ZNF439: variants seen among roughly 807,000 people sequenced by gnomAD.
ZNF439 encodes the protein zinc finger protein 439.
A neutral mutation model predicts 47.3 loss-of-function variants in ZNF439; 40 were observed. The ratio of observed to expected loss-of-function variants is 0.85; its 90% CI spans 0.66 to 1.10. The LOEUF (loss-of-function observed/expected upper bound fraction) is 1.10. ZNF439 is among the 50% of genes least tolerant of loss of function. ZNF439 has a pLI of 0.00. For synonymous variants in ZNF439, 171 were observed against 198.8 expected, an observed-to-expected ratio of 0.86 and a Z score of 1.18; for missense variants, 556 against 601.1, an observed-to-expected ratio of 0.93 and a Z score of 0.78.
In ZNF439 at chr19:11,868,637, G is replaced by T; in HGVS notation, c.*68G>T. On this transcript the variant is annotated 3_prime_UTR_variant, in exon 4 of 4. Coordinates refer to ENST00000682736, the MANE Select transcript of ZNF439 (RefSeq NM_001348719.2). ...TCAAACACATGAAAAAATTCACACT[G>T]GAGAGAAACCCTATAAATGCAAGCA... 1 of 1,504,634 alleles carries T rather than the reference G, an allele frequency of 6.6e-7. No individual in the cohort carries two copies. 93.2% of individuals were successfully genotyped at this position (1,504,634 alleles called of 1,614,324 possible).
At position 11,848,888 on chromosome 19, in the gene ZNF439, G is replaced by A. The variant is rs1481173188; in HGVS notation, c.21G>A (p.Arg7=). The A allele has an allele frequency of 1.3e-6, 2 of 1,573,698 alleles. No homozygotes were observed. The highest frequency in any genetic ancestry group is 1.7e-6 in the Non-Finnish European group (2 of 1,154,834). ...GCGCTATGCCCTGCTTTACTCACAG[G>A]AGCTGTAGAGAGGACCCCGGTACAT... The part of the protein sequence containing the change: MPCFTH[R]SCREDPGTSE... The change falls in exon 1 of 4, where the codon AGG becomes AGA. Residue 7 remains arginine, a synonymous_variant. Coordinates refer to ENST00000682736, the MANE Select transcript of ZNF439 (RefSeq NM_001348719.2).
Position 11,866,313 on chromosome 19 carries a change from T to C in ZNF439, c.172T>C (p.Trp58Arg). 6.2e-7 allele frequency: 1 copy of C among 1,614,176 alleles called. No individual in the cohort carries two copies. The highest frequency in any genetic ancestry group is 8.5e-7 in the Non-Finnish European group (1 of 1,180,014). Residue 58 changes from tryptophan (W) to arginine (R), a missense_variant, in exon 2 of 4, where the codon TGG becomes CGG. Coordinates refer to ENST00000682736, the MANE Select transcript of ZNF439 (RefSeq NM_001348719.2). The stretch of plus-strand genomic sequence containing the variant: ...CAGGGAAGTGATGCTGGAAACTTTC[T>C]GGAACCTGACCTCTATAGGTAAGGA... ...LYREVMLETF[W>R]NLTSIGKKWK...
chr19:11,868,439 G>C lies in ZNF439; in HGVS notation c.1385G>C (p.Arg462Pro). 6.2e-7 allele frequency: 1 copy of C among 1,612,762 alleles called. No homozygotes were observed. Among genetic ancestry groups the C allele is most frequent in the Non-Finnish European group, 8.5e-7 (1 of 1,179,644 alleles). The change falls in exon 4 of 4, where the codon CGT becomes CCT. Residue 462 changes from arginine to proline, a missense_variant. Arg to Pro is a moderately radical substitution (Grantham distance 103). Transcript: ENST00000682736. Reference protein sequence around the residue: ...FRSASQLRIHRRIHTGEKPYE... With the variant: ...FRSASQLRIHPRIHTGEKPYE... ...TCTGCCTCACAACTTCGAATCCATC[G>C]TAGGATTCACACTGGAGAGAAACCC...
chr19:11,861,472 CT>C (rs1976539178), intron 1 of ZNF439, among the ~76,000 whole-genome samples: 1 of 152,160 alleles, frequency 6.6e-6, no homozygotes, highest in Non-Finnish European at 1.5e-5. Context: ...AAGGGAGCAG[CT>C]GAATGCCTTA....
Position 11,868,488 on chromosome 19 carries a change from A to G in ZNF439, c.1434A>G (p.Lys478=), listed in dbSNP as rs1976778907. The G allele has an allele frequency of 6.2e-7, 1 of 1,613,734 alleles. No homozygotes were observed. The highest frequency in any genetic ancestry group is 1.3e-5 in the African/African-American group (1 of 74,862). The change falls in exon 4 of 4, where the codon AAA becomes AAG. Residue 478 remains lysine (K), a synonymous_variant. Transcript: ENST00000682736. ...CCTATGAATGTAAGAAATGTGGGAA[A>G]GCCTTCAGATATGTCCAGAACTTTC... ...EKPYECKKCG[K]AFRYVQNFRF... is the part of the protein sequence containing the mutation.
chr19:11,857,287 A>G (rs1305695324), intron 1 of ZNF439: 1 of 152,226 alleles, frequency 6.6e-6, no homozygotes, highest in Non-Finnish European at 1.5e-5. Context: ...AATTTGCTAC[A>G]CAGTCGATAT....
chr19:11,861,130 C>T (rs563481129), intron 1 of ZNF439, among the ~76,000 whole-genome samples: 1 of 152,286 alleles, frequency 6.6e-6, no homozygotes, highest in East Asian at 1.9e-4. Flanking sequence ...ACCCTCATAC[C>T]ACAGCCTAAC....
intron 1 of ZNF439, 59 bp downstream of exon 1, chr19:11,848,989 C>T: frequency 6.8e-7 from 1 of 1,464,474 alleles, no homozygotes; most frequent in Non-Finnish European, 9.2e-7. Flanking sequence ...ACTGGCGGGA[C>T]CCGGGCCTCC....
Position 11,867,827 on chromosome 19 carries a change from A to G in ZNF439, c.773A>G (p.Tyr258Cys). The change falls in exon 4 of 4, where the codon TAT becomes TGT. Residue 258 changes from tyrosine (Y) to cysteine (C), a missense_variant. Tyr to Cys is a radical substitution (Grantham distance 194). Coordinates refer to ENST00000682736, the MANE Select transcript of ZNF439 (RefSeq NM_001348719.2). ...ECKQCGKSFS[Y>C]SATHRIHERT... is the part of the protein sequence containing the mutation. ...AAACAATGTGGTAAATCTTTTAGTT[A>G]TTCTGCTACCCATCGAATACATGAA... The G allele has an allele frequency of 1.2e-6, 2 of 1,613,652 alleles. No homozygotes were observed. The highest frequency in any genetic ancestry group is 1.7e-6 in the Non-Finnish European group (2 of 1,179,854).
At position 11,848,728 on chromosome 19, in the gene ZNF439, T is replaced by C; in HGVS notation, c.-140T>C. 3.5e-6 allele frequency: 4 copies of C among 1,136,428 alleles called. No individual in the cohort carries two copies. Among genetic ancestry groups the C allele is most frequent in the Non-Finnish European group, 4.5e-6 (4 of 885,792 alleles). 70.4% of individuals were successfully genotyped at this position (1,136,428 alleles called of 1,614,324 possible). ...GGCACTGGCTCGGGGCCCTGCCCAC[T>C]GTGCATCCAGGCACGGAGGATGTTG... On this transcript the variant is annotated 5_prime_UTR_variant, in exon 1 of 4. Transcript: ENST00000682736.
At chr19:11,849,749 C>G (rs896114554) in intron 1 of ZNF439, 4 of 152,172 alleles carry the variant, frequency 2.6e-5, no homozygotes, top group African/African-American at 7.2e-5. Flanking sequence ...TCTGCCACTT[C>G]ATTCCATCCC....
intron 1 of ZNF439, chr19:11,849,315 T>G: frequency 2.0e-6 from 2 of 994,396 alleles, no homozygotes. Context: ...TATACTGAGG[T>G]ACGTTAACAA....
At chr19:11,858,114 G>A (rs1374776582) in intron 1 of ZNF439, 3 of 152,138 alleles carry the variant, frequency 2.0e-5, no homozygotes, top group African/African-American at 7.2e-5. Flanking sequence ...ATGAATAGAA[G>A]GCACAGAGAA....
intron 1 of ZNF439, among the ~76,000 whole-genome samples, chr19:11,862,391 G>C (rs546274823): frequency 1.3e-5 from 2 of 152,116 alleles, no homozygotes; most frequent in South Asian, 2.1e-4. Context: ...AGACCAGCCT[G>C]GTAGATACAG....
intron 1 of ZNF439, among the ~76,000 whole-genome samples, chr19:11,851,885 C>T (rs994391338): frequency 3.3e-5 from 5 of 152,160 alleles, no homozygotes; most frequent in African/African-American, 1.2e-4. Context: ...TGGCCTCAAA[C>T]AGTCCTCCTT....
At chr19:11,866,830 A>T (rs1158789956) in intron 3 of ZNF439, among the ~76,000 whole-genome samples, 1 of 152,186 alleles carries the variant, frequency 6.6e-6, no homozygotes, top group East Asian at 1.9e-4. Flanking sequence ...GCAGTTCAAC[A>T]ACAGCCTGCG....
chr19:11,860,324 T>G (rs1449344108), intron 1 of ZNF439, among the ~76,000 whole-genome samples: 2 of 152,180 alleles, frequency 1.3e-5, no homozygotes, highest in African/African-American at 2.4e-5. Flanking sequence ...AGACAAATAC[T>G]GCCCCATGTT....
At chr19:11,858,346 G>C (rs1466962120) in intron 1 of ZNF439, 1 of 151,660 alleles carries the variant, frequency 6.6e-6, no homozygotes, top group Non-Finnish European at 1.5e-5. Flanking sequence ...GGCACCTGTA[G>C]TCCCAGCTAC....
chr19:11,853,696 C>A (rs1301928517), intron 1 of ZNF439, among the ~76,000 whole-genome samples: 2 of 152,138 alleles, frequency 1.3e-5, no homozygotes, highest in African/African-American at 2.4e-5. Context: ...AACCTTTGGG[C>A]CTTGGGCTCC....
Sources: gnomAD v4.1 joint callset for allele counts (sites outside exome capture counted in the v4.1 genomes callset) on GRCh38, gnomAD v4.1.1 for gene constraint, MANE v1.5 for transcripts, NCBI Gene and HGNC (gene_info 2026-07-23, HGNC 2026-07-21) for gene names.